The following KCNIP4 variants were observed in gnomAD, a reference collection of about 807,000 sequenced individuals.
KCNIP4 encodes the protein Kv channel-interacting protein 4.
In KCNIP4, 12 loss-of-function variants were observed where a neutral mutation model predicts 34.0. The observed-to-expected ratio is 0.35, with a 90% confidence interval of 0.23 to 0.57. The LOEUF is 0.57. Ranked by LOEUF, KCNIP4 falls within the 20% of genes least tolerant of loss-of-function variation. The probability of loss-of-function intolerance (pLI) is 0.83; values close to 1 mark genes in which losing one functional copy is unlikely to be tolerated. For synonymous variants in KCNIP4, 124 were observed against 102.2 expected (o/e 1.21, Z -1.29); for missense variants, 238 against 311.7 (o/e 0.76, Z 1.78).
chr4:21,807,468 G>A (rs779867078), intron 1 of KCNIP4, among the ~76,000 whole-genome samples: 2 of 152,160 alleles, frequency 1.3e-5, no homozygotes, highest in Non-Finnish European at 2.9e-5. Flanking sequence ...TCAATCTAGG[G>A]CAGCTTGCCA....
intron 1 of KCNIP4, among the ~76,000 whole-genome samples, chr4:21,661,407 G>T (rs1748441402): frequency 6.6e-6 from 1 of 152,162 alleles, no homozygotes. Flanking sequence ...AAAGAGCACT[G>T]TAGCACTCCT....
At chr4:20,900,774 A>C (rs1276390922) in intron 1 of KCNIP4, among the ~76,000 whole-genome samples, 1 of 152,152 alleles carries the variant, frequency 6.6e-6, no homozygotes, top group African/African-American at 2.4e-5. Context: ...GGTTGAAGAA[A>C]ACAGTGTTGT....
intron 1 of KCNIP4, among the ~76,000 whole-genome samples, chr4:21,014,573 G>A (rs115762104): frequency 0.015 from 2,227 of 152,244 alleles, 20 homozygotes; most frequent in Non-Finnish European, 0.021. Flanking sequence ...GAGATATTAT[G>A]CAATACCTCT....
chr4:20,813,813 G>A (rs1716057925), intron 3 of KCNIP4, among the ~76,000 whole-genome samples: 1 of 152,222 alleles, frequency 6.6e-6, no homozygotes, highest in East Asian at 1.9e-4. Context: ...AACATCCTGT[G>A]TATCTTACCA....
At chr4:21,682,161 G>A (rs1750414119) in intron 1 of KCNIP4, among the ~76,000 whole-genome samples, 1 of 152,136 alleles carries the variant, frequency 6.6e-6, no homozygotes, top group Non-Finnish European at 1.5e-5. Context: ...CCAAAGCGCT[G>A]AGATTACCTG....
In KCNIP4 at chr4:20,948,688, G is replaced by A. The variant is rs1324003880; in HGVS notation, c.62-65979C>T. 2.6e-5 allele frequency among the ~76,000 whole-genome samples: 4 copies of A among 152,264 alleles called. No individual in the cohort carries two copies. In the South Asian group the frequency reaches 8.3e-4, roughly 32 times the overall value. On this transcript the variant is annotated intron_variant, in intron 1 of 8. Coordinates refer to ENST00000382152, the MANE Select transcript of KCNIP4 (RefSeq NM_025221.6). ...TGAATGGAGTCAATAAAACCTGTTA[G>A]TCACCTTATCAACAATATCAGAATC...
intron 2 of KCNIP4, among the ~76,000 whole-genome samples, chr4:20,862,697 A>G (rs1419433535): frequency 6.6e-6 from 1 of 152,196 alleles, no homozygotes; most frequent in Non-Finnish European, 1.5e-5. Context: ...TATTCACAAT[A>G]GCAAAGGCAT....
In KCNIP4 at chr4:20,941,328, T is replaced by G. The variant is rs114269710; in HGVS notation, c.62-58619A>C. On this transcript the variant is annotated intron_variant, in intron 1 of 8. Transcript: ENST00000382152. Reference sequence around the variant, plus strand: ...TGCTTTACTTGACTGGTTGCCAAAGTTTTTCCTTGACTATATGAAAGAAAT... The same window carrying G: ...TGCTTTACTTGACTGGTTGCCAAAGGTTTTCCTTGACTATATGAAAGAAAT... 7.8e-3 allele frequency among the ~76,000 whole-genome samples: 1,187 copies of G among 152,316 alleles called. 20 individuals carry two copies. Among genetic ancestry groups the G allele is most frequent in the African/African-American group, 0.027 (1,118 of 41,562 alleles).
In KCNIP4 at chr4:20,751,178, A is replaced by G. The variant is rs367945647; in HGVS notation, c.359-1446T>C. 1.6e-4 allele frequency among the ~76,000 whole-genome samples: 25 copies of G among 152,330 alleles called. 1 individual carries two copies. The South Asian group carries it at 4.3e-3, about 26-fold the overall frequency. ...TCATCTCTCACCTTTTTAATATGCT[A>G]TGAAGAACTACTTATCTTTGAACAC... is the stretch of plus-strand genomic sequence containing the variant. On this transcript the variant is annotated intron_variant, in intron 4 of 8. Coordinates refer to ENST00000382152, the MANE Select transcript of KCNIP4 (RefSeq NM_025221.6).
chr4:21,402,900 C>T (rs1723664105), intron 1 of KCNIP4, among the ~76,000 whole-genome samples: 1 of 152,136 alleles, frequency 6.6e-6, no homozygotes, highest in African/African-American at 2.4e-5. Flanking sequence ...CCATGGGTCC[C>T]CTCATCCCTG....
intron 3 of KCNIP4, among the ~76,000 whole-genome samples, chr4:20,815,953 G>T (rs1716317955): frequency 6.6e-6 from 1 of 152,086 alleles, no homozygotes; most frequent in Non-Finnish European, 1.5e-5. Flanking sequence ...AACACTCTTA[G>T]AAACCTTTAA....
chr4:21,446,048 G>T (rs933860280), intron 1 of KCNIP4, among the ~76,000 whole-genome samples: 15 of 152,204 alleles, frequency 9.9e-5, no homozygotes, highest in Admixed American at 2.6e-4. Flanking sequence ...GGTCATCAGA[G>T]AAATGCAAAT....
chr4:21,127,127 C>G (rs772751655), intron 1 of KCNIP4, among the ~76,000 whole-genome samples: 1 of 152,186 alleles, frequency 6.6e-6, no homozygotes, highest in African/African-American at 2.4e-5. Flanking sequence ...TTACTCATCA[C>G]TCAGGTCTCA....
intron 1 of KCNIP4, among the ~76,000 whole-genome samples, chr4:20,978,371 T>C (rs1735687235): frequency 6.6e-6 from 1 of 152,234 alleles, no homozygotes; most frequent in Non-Finnish European, 1.5e-5. Flanking sequence ...ACTGGCACTA[T>C]TCCTGTATGA....
At chr4:21,239,680 T>A (rs546576244) in intron 1 of KCNIP4, among the ~76,000 whole-genome samples, 1 of 152,264 alleles carries the variant, frequency 6.6e-6, no homozygotes, top group Non-Finnish European at 1.5e-5. Flanking sequence ...TGAGATACCA[T>A]CTCACAGTAG....
At chr4:21,727,254 C>G (rs1333928711) in intron 1 of KCNIP4, among the ~76,000 whole-genome samples, 1 of 152,108 alleles carries the variant, frequency 6.6e-6, no homozygotes, top group East Asian at 1.9e-4. Flanking sequence ...AAGGAGTATG[C>G]CTTTCTCTCT....
intron 1 of KCNIP4, among the ~76,000 whole-genome samples, chr4:21,596,657 C>A (rs957050082): frequency 1.4e-4 from 22 of 152,082 alleles, no homozygotes; most frequent in African/African-American, 4.6e-4. Flanking sequence ...AAGAAAGAAG[C>A]TTTTGTTATT....
At chr4:21,195,450 A>C (rs910572048) in intron 1 of KCNIP4, among the ~76,000 whole-genome samples, 1 of 152,242 alleles carries the variant, frequency 6.6e-6, no homozygotes, top group Admixed American at 6.5e-5. Context: ...GGAGCTAGGA[A>C]AAATTTTACA....
intron 1 of KCNIP4, among the ~76,000 whole-genome samples, chr4:21,595,823 T>C (rs922048862): frequency 1.3e-5 from 2 of 152,076 alleles, no homozygotes; most frequent in Non-Finnish European, 2.9e-5. Flanking sequence ...TGAAAAAATA[T>C]TTATTGACAA....
Sources: gnomAD v4.1 joint callset for allele counts (sites outside exome capture counted in the v4.1 genomes callset) on GRCh38, gnomAD v4.1.1 for gene constraint, MANE v1.5 for transcripts, NCBI Gene and HGNC (gene_info 2026-07-23, HGNC 2026-07-21) for gene names.